The following MED12L variants were observed in gnomAD, a reference collection of about 807,000 sequenced individuals.
The protein encoded by MED12L is mediator complex subunit 12L.
In MED12L, 60 loss-of-function variants were observed where a neutral mutation model predicts 281.3. The ratio of observed to expected loss-of-function variants is 0.21; its 90% CI spans 0.17 to 0.26. The LOEUF (loss-of-function observed/expected upper bound fraction) is 0.26, where lower values mean the gene tolerates loss of function less well. MED12L is among the 10% of genes least tolerant of loss of function. MED12L has a pLI of 1.00. For synonymous variants in MED12L, 974 were observed against 987.2 expected (o/e 0.99, Z 0.25); for missense variants, 2,146 against 2,680.9 (o/e 0.80, Z 4.41).
chr3:151,165,954 G>C lies in MED12L; in HGVS notation c.1466G>C (p.Trp489Ser), dbSNP rs775997112. Residue 489 changes from tryptophan (W) to serine (S), a missense_variant, in exon 11 of 45, where the codon TGG becomes TCG. Coordinates refer to ENST00000687756, the MANE Select transcript of MED12L (RefSeq NM_001393769.1). ...GAGACACTTTATCATAAGATTTTCT[G>C]GGCAAACCAAAACAAAGATAACCAA... ...SMETLYHKIFWANQNKDNQEV... is the reference protein window; with the variant it reads ...SMETLYHKIFSANQNKDNQEV... The C allele has an allele frequency of 8.1e-6, 13 of 1,612,418 alleles. No homozygotes were observed. Among genetic ancestry groups the C allele is most frequent in the Middle Eastern group, 1.6e-4 (1 of 6,074 alleles).
intron 16 of MED12L, among the ~76,000 whole-genome samples, chr3:151,301,147 T>C (rs971773556): frequency 6.6e-6 from 1 of 152,178 alleles, no homozygotes; most frequent in Admixed American, 6.5e-5. Flanking sequence ...CCCTCCTTTT[T>C]GGGTGCCAGC....
chr3:151,434,618 C>T lies in MED12L; in HGVS notation c.*1814C>T, dbSNP rs1432672869. On this transcript the variant is annotated 3_prime_UTR_variant, in exon 45 of 45. Coordinates refer to ENST00000687756, the MANE Select transcript of MED12L (RefSeq NM_001393769.1). ...TTAGATAAGCTAATGAAGTTGTTTT[C>T]TTCAAAGTAATATATCTATATAATG... The T allele has an allele frequency of 6.6e-6, 1 of 152,160 alleles. No individual in the cohort carries two copies. Among genetic ancestry groups the T allele is most frequent in the Non-Finnish European group, 1.5e-5 (1 of 68,032 alleles). The allele number at this position is 152,160 out of a possible 1,614,324, so 9.4% of individuals were successfully genotyped here.
chr3:151,365,139 G>A lies in MED12L; in HGVS notation c.3118G>A (p.Ala1040Thr), dbSNP rs760921361. The A allele has an allele frequency of 3.0e-5, 48 of 1,613,914 alleles. No homozygotes were observed. Among genetic ancestry groups the A allele is most frequent in the Non-Finnish European group, 4.0e-5 (47 of 1,179,950 alleles). Residue 1040 changes from alanine to threonine, a missense_variant, in exon 22 of 45, where the codon GCC becomes ACC. Coordinates refer to ENST00000687756, the MANE Select transcript of MED12L (RefSeq NM_001393769.1). ...GGGCAAGATCCTCAGTGACAATGCG[G>A]CCAATCGCTACAGCTTTGTCTGCAA... Reference protein sequence around the residue: ...MLGKILSDNAANRYSFVCNTL... With the variant: ...MLGKILSDNATNRYSFVCNTL...
chr3:151,199,258 A>G (rs1245893942), intron 16 of MED12L: 9 of 1,614,082 alleles, frequency 5.6e-6, no homozygotes, highest in Non-Finnish European at 6.8e-6. Flanking sequence ...TGTGATTCGT[A>G]TTCTTCTGTA....
intron 16 of MED12L, among the ~76,000 whole-genome samples, chr3:151,267,663 T>C (rs914072440): frequency 2.0e-5 from 3 of 152,250 alleles, no homozygotes; most frequent in Middle Eastern, 3.4e-3. Context: ...GAGAGTAATA[T>C]CTTGTAACAT....
At chr3:151,292,233 G>C (rs1411080788) in intron 16 of MED12L, among the ~76,000 whole-genome samples, 3 of 151,750 alleles carry the variant, frequency 2.0e-5, no homozygotes, top group Non-Finnish European at 4.4e-5. Context: ...TAGAAACAGA[G>C]GATGAAGAGG....
intron 33 of MED12L, among the ~76,000 whole-genome samples, chr3:151,383,316 CG>C: frequency 6.6e-6 from 1 of 152,278 alleles, no homozygotes; most frequent in East Asian, 1.9e-4. Flanking sequence ...GGTAGGTGTG[CG>C]GGCCAAGCCT....
At chr3:151,365,714 A>C in intron 22 of MED12L, 136 bp from the exon 23 acceptor site, 2 of 768,724 alleles carry the variant, frequency 2.6e-6, no homozygotes, top group Non-Finnish European at 4.0e-6. Flanking sequence ...GTTATTTGAC[A>C]AATGAGTATT....
chr3:151,347,437 T>G (rs987003590), intron 16 of MED12L, among the ~76,000 whole-genome samples: 2 of 152,144 alleles, frequency 1.3e-5, no homozygotes, highest in African/African-American at 2.4e-5. Flanking sequence ...ATTAAACAAA[T>G]ACCTAGAAAA....
intron 16 of MED12L, among the ~76,000 whole-genome samples, chr3:151,211,540 G>A (rs1727165528): frequency 6.6e-6 from 1 of 152,064 alleles, no homozygotes; most frequent in Non-Finnish European, 1.5e-5. Flanking sequence ...TAGAACAGTG[G>A]AAAGTAGATA....
chr3:151,214,263 G>A (rs759327036), intron 16 of MED12L: 1 of 1,614,028 alleles, frequency 6.2e-7, no homozygotes. Context: ...GAGTGATCAG[G>A]AGGTTCTGAG....
At chr3:151,260,340 A>G (rs1026970289) in intron 16 of MED12L, among the ~76,000 whole-genome samples, 2 of 152,058 alleles carry the variant, frequency 1.3e-5, no homozygotes, top group Admixed American at 1.3e-4. Flanking sequence ...ATCTTTTAAA[A>G]GCCAGTTTTT....
intron 5 of MED12L, among the ~76,000 whole-genome samples, chr3:151,150,798 T>C (rs141493098): frequency 1.3e-5 from 2 of 152,182 alleles, no homozygotes. Flanking sequence ...TGACAATGGC[T>C]TCTTTCCTTA....
At chr3:151,246,990 A>G (rs1253135529) in intron 16 of MED12L, among the ~76,000 whole-genome samples, 10 of 152,246 alleles carry the variant, frequency 6.6e-5, no homozygotes, top group African/African-American at 1.9e-4. Flanking sequence ...AAAAGAAGAC[A>G]TTTATGCAGC....
intron 5 of MED12L, among the ~76,000 whole-genome samples, chr3:151,147,524 T>A (rs932744681): frequency 6.6e-6 from 1 of 152,246 alleles, no homozygotes; most frequent in African/African-American, 2.4e-5. Context: ...ACTCCCCATT[T>A]GCCTTCAGTA....
intron 5 of MED12L, among the ~76,000 whole-genome samples, chr3:151,139,620 G>A (rs1430017995): frequency 2.0e-5 from 3 of 152,134 alleles, no homozygotes; most frequent in Admixed American, 6.5e-5. Context: ...GAATATTGGC[G>A]GGACAGGCAT....
In MED12L at chr3:151,165,837, T is replaced by C. The variant is rs767985641; in HGVS notation, c.1358-9T>C. 18 of 1,607,914 alleles carry C rather than the reference T, an allele frequency of 1.1e-5. No individual in the cohort carries two copies. In the South Asian group the frequency reaches 1.8e-4, roughly 16 times the overall value. ...CCTCATTAACCACTTGTTTAATTTC[T>C]GCCTATAGGGGTGACTATTAGTCGG... On this transcript the variant is annotated splice_polypyrimidine_tract_variant and intron_variant, in intron 10 of 44. Coordinates refer to ENST00000687756, the MANE Select transcript of MED12L (RefSeq NM_001393769.1).
At chr3:151,222,264 A>ACTGTGGACTTCTGAGT (rs1559896992) in intron 16 of MED12L, among the ~76,000 whole-genome samples, 1 of 151,742 alleles carries the variant, frequency 6.6e-6, no homozygotes, top group Non-Finnish European at 1.5e-5. Flanking sequence ...GAGACTCTGG[A>ACTGTGGACTTCTGAGT]CTGTGGACTT....
At chr3:151,228,823 T>C (rs1383334749) in intron 16 of MED12L, among the ~76,000 whole-genome samples, 1 of 152,240 alleles carries the variant, frequency 6.6e-6, no homozygotes, top group African/African-American at 2.4e-5. Context: ...CCTGAATTAC[T>C]GAATTTTTTC....
Sources: gnomAD v4.1 joint callset for allele counts (sites outside exome capture counted in the v4.1 genomes callset) on GRCh38, gnomAD v4.1.1 for gene constraint, MANE v1.5 for transcripts, NCBI Gene and HGNC (gene_info 2026-07-23, HGNC 2026-07-21) for gene names.